Variants in C1QTNF3 observed in about 807,000 individuals in gnomAD.
C1QTNF3 encodes C1q and TNF related 3.
In C1QTNF3, 26 loss-of-function variants were observed where a neutral mutation model predicts 32.6. The ratio of observed to expected loss-of-function variants is 0.80; its 90% CI spans 0.58 to 1.11. The LOEUF (loss-of-function observed/expected upper bound fraction) is 1.11. C1QTNF3 is among the 50% of genes least tolerant of loss of function. The pLI is 0.00. For missense variants in C1QTNF3, 362 were observed against 398.2 expected, an observed-to-expected ratio of 0.91 and a Z score of 0.77; for synonymous variants, 155 against 146.0, an observed-to-expected ratio of 1.06 and a Z score of -0.44.
chr5:34,231,688 G>A, the C1QTNF3 span, among the ~76,000 whole-genome samples: 1 of 152,198 alleles, frequency 6.6e-6, no homozygotes, highest in African/African-American at 2.4e-5. Context: ...CAGACGGGAA[G>A]AGTTGAGGTT....
chr5:34,223,727 T>A, the C1QTNF3 span, among the ~76,000 whole-genome samples: 1 of 152,156 alleles, frequency 6.6e-6, no homozygotes, highest in Admixed American at 6.6e-5. Flanking sequence ...TGGTGTGAGA[T>A]GGTATCTCAT....
chr5:34,065,881 T>G, the C1QTNF3 span, among the ~76,000 whole-genome samples: 2 of 152,176 alleles, frequency 1.3e-5, no homozygotes, highest in Non-Finnish European at 2.9e-5. Flanking sequence ...TGTGGACTCA[T>G]ATGTTCATTG....
At chr5:34,136,656 C>A in the C1QTNF3 span, among the ~76,000 whole-genome samples, 1 of 152,178 alleles carries the variant, frequency 6.6e-6, no homozygotes, top group Non-Finnish European at 1.5e-5. Flanking sequence ...TGGGTATATA[C>A]TCAAAAGATT....
At position 34,043,136 on chromosome 5, in the gene C1QTNF3, A is replaced by C. The variant is rs764509132; in HGVS notation, c.-11T>G. 8 of 1,604,404 alleles carry C rather than the reference A, an allele frequency of 5.0e-6. No homozygotes were observed. Among genetic ancestry groups the C allele is most frequent in the African/African-American group, 1.3e-5 (1 of 74,820 alleles). On this transcript the variant is annotated 5_prime_UTR_variant, in exon 1 of 6. Coordinates refer to ENST00000382065, the MANE Select transcript of C1QTNF3 (RefSeq NM_181435.6). ...CTGCCTCCAAAGCATGATTCTCAAC[A>C]GAGCCTCAGAGTCTCCCTGAGAAGA...
the C1QTNF3 span, among the ~76,000 whole-genome samples, chr5:34,137,336 G>A: frequency 2.2e-3 from 327 of 152,056 alleles, 1 homozygote; most frequent in African/African-American, 7.6e-3. Flanking sequence ...TCATTTCTAC[G>A]TCCTGATTCC....
At chr5:34,089,601 G>A in the C1QTNF3 span, among the ~76,000 whole-genome samples, 1 of 152,196 alleles carries the variant, frequency 6.6e-6, no homozygotes. Context: ...CCAAAACCGT[G>A]AGAAAGAAAT....
chr5:34,175,621 G>T, the C1QTNF3 span: 1 of 487,502 alleles, frequency 2.1e-6, no homozygotes. Context: ...GACCGTATGT[G>T]GGAAGCGGGG....
At chr5:34,128,786 A>C in the C1QTNF3 span, among the ~76,000 whole-genome samples, 1,532 of 152,300 alleles carry the variant, frequency 0.01, 28 homozygotes, top group African/African-American at 0.035. Context: ...TTTTGATTTT[A>C]CAGGCTCATA....
At chr5:34,210,056 G>T in the C1QTNF3 span, among the ~76,000 whole-genome samples, 1 of 151,998 alleles carries the variant, frequency 6.6e-6, no homozygotes, top group Non-Finnish European at 1.5e-5. Context: ...ACAGAGGAAT[G>T]AATTGATTTT....
chr5:34,141,152 C>T, the C1QTNF3 span, among the ~76,000 whole-genome samples: 2 of 151,996 alleles, frequency 1.3e-5, no homozygotes, highest in African/African-American at 4.8e-5. Flanking sequence ...TTGAGTCCCA[C>T]TCTGTCGCCC....
At chr5:34,201,421 C>G in the C1QTNF3 span, among the ~76,000 whole-genome samples, 1 of 152,126 alleles carries the variant, frequency 6.6e-6, no homozygotes. Context: ...CCAAAACGCT[C>G]TACTTTATAT....
chr5:34,142,808 A>C, the C1QTNF3 span, among the ~76,000 whole-genome samples: 1 of 152,222 alleles, frequency 6.6e-6, no homozygotes, highest in Non-Finnish European at 1.5e-5. Context: ...AGTCACCTTT[A>C]AAAGAACACC....
At chr5:34,040,815 CTT>C (rs11334548) in intron 1 of C1QTNF3, among the ~76,000 whole-genome samples, 36 of 146,642 alleles carry the variant, frequency 2.5e-4, no homozygotes, top group Admixed American at 2.0e-4. Flanking sequence ...TGTTGCAGCA[CTT>C]TTTTTTTTTT....
At chr5:34,059,948 G>A in the C1QTNF3 span, among the ~76,000 whole-genome samples, 2,139 of 152,264 alleles carry the variant, frequency 0.014, 52 homozygotes, top group African/African-American at 0.049. Context: ...CTGTCTCCCT[G>A]AGAATAATAG....
At chr5:34,022,306 C>G (rs1754350300) in intron 5 of C1QTNF3, among the ~76,000 whole-genome samples, 1 of 152,196 alleles carries the variant, frequency 6.6e-6, no homozygotes, top group African/African-American at 2.4e-5. Flanking sequence ...TTTGACTCAG[C>G]TTTCAAATTT....
chr5:34,030,256 T>C (rs1473136176), intron 3 of C1QTNF3, among the ~76,000 whole-genome samples: 2 of 152,226 alleles, frequency 1.3e-5, no homozygotes, highest in Non-Finnish European at 2.9e-5. Flanking sequence ...ATACTTTATG[T>C]GTAATCTTTT....
At chr5:34,114,079 G>C in the C1QTNF3 span, among the ~76,000 whole-genome samples, 1 of 152,080 alleles carries the variant, frequency 6.6e-6, no homozygotes, top group South Asian at 2.1e-4. Flanking sequence ...AATAATTAAG[G>C]AAAGTGAATA....
the C1QTNF3 span, among the ~76,000 whole-genome samples, chr5:34,213,747 GTATA>G: frequency 7.9e-5 from 8 of 100,850 alleles, no homozygotes; most frequent in South Asian, 3.2e-4. Flanking sequence ...TATAGTGTGT[GTATA>G]TATATATACA....
the C1QTNF3 span, among the ~76,000 whole-genome samples, chr5:34,062,543 G>A: frequency 6.6e-6 from 1 of 152,168 alleles, no homozygotes; most frequent in African/African-American, 2.4e-5. Context: ...AGGCTTGGCT[G>A]AGCACAAACA....
Sources: allele counts gnomAD v4.1 joint callset (sites outside exome capture counted in the v4.1 genomes callset), GRCh38; gene constraint gnomAD v4.1.1; transcripts MANE v1.5; gene names NCBI Gene and HGNC (gene_info 2026-07-23, HGNC 2026-07-21).